ARMH4: variants seen among roughly 807,000 people sequenced by gnomAD.
ARMH4 encodes the protein armadillo like helical domain containing 4.
ARMH4 carries 49 observed loss-of-function variants against 61.9 expected under a neutral mutation model. That is an observed-to-expected ratio of 0.79 (90% CI 0.63 to 1.00). The LOEUF is 1.00. ARMH4 is among the 50% of genes least tolerant of loss of function. The pLI, the probability that ARMH4 is intolerant of heterozygous loss-of-function variation, is 0.00. For missense variants in ARMH4, 934 were observed against 930.0 expected, an observed-to-expected ratio of 1.00 and a Z score of -0.06; for synonymous variants, 368 against 341.5, an observed-to-expected ratio of 1.08 and a Z score of -0.85.
Position 58,138,959 on chromosome 14 carries a change from T to C in ARMH4, c.400A>G (p.Ile134Val), listed in dbSNP as rs1594780854. Residue 134 changes from isoleucine to valine, a missense_variant, in exon 2 of 8, where the codon ATA (isoleucine) becomes GTA (valine). Ile to Val is a conservative substitution (Grantham distance 29, BLOSUM62 3). Coordinates refer to ENST00000267485, the MANE Select transcript of ARMH4 (RefSeq NM_001001872.4). ...TTGGCAAGTCCACTTTCAGGAGATA[T>C]TCTCTCTGGCTGGCTGGAACCAAAT... is the stretch of plus-strand genomic sequence containing the variant. ...EVFGSSQPER[I>V]SPESGLAKAM... 5 of 1,614,224 alleles carry C rather than the reference T, an allele frequency of 3.1e-6. No homozygotes were observed. The highest frequency in any genetic ancestry group is 4.5e-5 in the East Asian group (2 of 44,888).
intron 5 of ARMH4, among the ~76,000 whole-genome samples, chr14:58,030,702 G>T (rs1401455514): frequency 6.6e-6 from 1 of 152,158 alleles, no homozygotes; most frequent in Non-Finnish European, 1.5e-5. Context: ...CACATAAGTG[G>T]AATTATATAG....
intron 5 of ARMH4, among the ~76,000 whole-genome samples, chr14:58,050,062 T>C (rs1425386356): frequency 6.6e-6 from 1 of 152,186 alleles, no homozygotes; most frequent in Non-Finnish European, 1.5e-5. Flanking sequence ...AAGAACTGAA[T>C]CAAACCTGGA....
chr14:58,087,039 T>C (rs1195777156), intron 5 of ARMH4, among the ~76,000 whole-genome samples: 1 of 152,202 alleles, frequency 6.6e-6, no homozygotes, highest in African/African-American at 2.4e-5. Context: ...ACCAAGAGTA[T>C]ATAAAAGAGA....
At chr14:58,066,299 G>A (rs921853390) in intron 5 of ARMH4, among the ~76,000 whole-genome samples, 1 of 152,194 alleles carries the variant, frequency 6.6e-6, no homozygotes, top group Admixed American at 6.6e-5. Flanking sequence ...CATGCCAGTT[G>A]AGAAAGCCAG....
At chr14:58,150,122 T>G (rs1025618244) in intron 1 of ARMH4, among the ~76,000 whole-genome samples, 2 of 152,240 alleles carry the variant, frequency 1.3e-5, no homozygotes, top group African/African-American at 4.8e-5. Flanking sequence ...CAATTGGACA[T>G]ATCATTTCTG....
intron 5 of ARMH4, among the ~76,000 whole-genome samples, chr14:58,024,840 G>C (rs1175147876): frequency 6.6e-6 from 1 of 152,076 alleles, no homozygotes; most frequent in Non-Finnish European, 1.5e-5. Context: ...TTAGGGAATG[G>C]GCAGTCAGTA....
At chr14:58,150,186 G>A (rs901550823) in intron 1 of ARMH4, among the ~76,000 whole-genome samples, 3 of 152,162 alleles carry the variant, frequency 2.0e-5, no homozygotes, top group African/African-American at 7.2e-5. Flanking sequence ...CTAAGTAGCT[G>A]ACATTTAAAG....
chr14:58,013,265 G>A (rs1025282117), intron 5 of ARMH4, among the ~76,000 whole-genome samples: 8 of 152,158 alleles, frequency 5.3e-5, no homozygotes, highest in East Asian at 3.9e-4. Context: ...AAAAGTGGCC[G>A]TAGACAATAC....
intron 5 of ARMH4, among the ~76,000 whole-genome samples, chr14:58,093,699 T>C (rs763063474): frequency 4.6e-5 from 7 of 152,178 alleles, no homozygotes; most frequent in Admixed American, 6.5e-5. Context: ...GAAGTTGTTA[T>C]TGGTTTTGAA....
In ARMH4 at chr14:58,066,630, G is replaced by A. The variant is rs577074924; in HGVS notation, c.2089+30094C>T. On this transcript the variant is annotated intron_variant, in intron 5 of 7. Transcript: ENST00000267485. The stretch of plus-strand genomic sequence containing the variant: ...TAAAAAAATAAACAGGGAGAAGGGG[G>A]AACCATGAAGGCTTTGAAGAGTTCG... 9.2e-5 allele frequency among the ~76,000 whole-genome samples: 14 copies of A among 152,248 alleles called. No homozygotes were observed. The East Asian group carries it at 1.2e-3, about 13-fold the overall frequency.
chr14:58,092,897 C>T (rs1885620674), intron 5 of ARMH4, among the ~76,000 whole-genome samples: 1 of 151,562 alleles, frequency 6.6e-6, no homozygotes. Flanking sequence ...CTTATTCCAG[C>T]CTTAAACTCC....
chr14:58,088,010 C>T (rs958583000), intron 5 of ARMH4, among the ~76,000 whole-genome samples: 4 of 152,162 alleles, frequency 2.6e-5, no homozygotes, highest in South Asian at 2.1e-4. Flanking sequence ...GTTCACAGTG[C>T]ACATCTGCGA....
intron 5 of ARMH4, among the ~76,000 whole-genome samples, chr14:58,044,530 A>C (rs1883857431): frequency 6.6e-6 from 1 of 152,248 alleles, no homozygotes; most frequent in South Asian, 2.1e-4. Flanking sequence ...AAACCTAGGC[A>C]ATACCATTCA....
At chr14:58,028,551 C>T (rs1413685690) in intron 5 of ARMH4, among the ~76,000 whole-genome samples, 1 of 152,106 alleles carries the variant, frequency 6.6e-6, no homozygotes, top group Non-Finnish European at 1.5e-5. Flanking sequence ...GCAGCTTTTC[C>T]AGGGTGCCAT....
intron 5 of ARMH4, among the ~76,000 whole-genome samples, chr14:58,092,050 T>C (rs765346946): frequency 6.6e-6 from 1 of 152,238 alleles, no homozygotes; most frequent in African/African-American, 2.4e-5. Context: ...GTCATCTATG[T>C]TCCTGCTCTT....
intron 1 of ARMH4, among the ~76,000 whole-genome samples, chr14:58,149,498 C>T (rs191595567): frequency 6.6e-6 from 1 of 152,312 alleles, no homozygotes; most frequent in African/African-American, 2.4e-5. Context: ...AGCTAAATTA[C>T]TGGAAACTAA....
chr14:58,111,679 CTTCT>C (rs923768761), intron 4 of ARMH4, among the ~76,000 whole-genome samples: 4 of 145,418 alleles, frequency 2.8e-5, no homozygotes, highest in African/African-American at 1.1e-4. Context: ...GTTCTTCTTC[CTTCT>C]TCTTTTTTTT....
intron 5 of ARMH4, among the ~76,000 whole-genome samples, chr14:58,020,959 G>A (rs1882804298): frequency 6.6e-6 from 1 of 152,160 alleles, no homozygotes; most frequent in Admixed American, 6.5e-5. Flanking sequence ...AGCTGATGTA[G>A]TCCAAAAGCC....
At chr14:58,045,493 A>T (rs1372054482) in intron 5 of ARMH4, among the ~76,000 whole-genome samples, 1 of 152,142 alleles carries the variant, frequency 6.6e-6, no homozygotes, top group Non-Finnish European at 1.5e-5. Flanking sequence ...GGATAGCATT[A>T]GGAGATATAC....
Sources: gnomAD v4.1 joint callset for allele counts (sites outside exome capture counted in the v4.1 genomes callset) on GRCh38, gnomAD v4.1.1 for gene constraint, MANE v1.5 for transcripts, NCBI Gene and HGNC (gene_info 2026-07-23, HGNC 2026-07-21) for gene names.